Variants in TNFSF9 observed in about 807,000 individuals in gnomAD.
TNFSF9 encodes TNF superfamily member 9.
A neutral mutation model predicts 10.3 loss-of-function variants in TNFSF9; 10 were observed. The observed-to-expected ratio is 0.97, with a 90% confidence interval of 0.60 to 1.65. TNFSF9 has a LOEUF of 1.65. Among genes scored for constraint, TNFSF9 ranks in the 40% most tolerant of loss-of-function variants. The pLI is 0.00. For missense variants in TNFSF9, 361 were observed against 348.9 expected (o/e 1.03, Z -0.28); for synonymous variants, 195 against 176.1 (o/e 1.11, Z -0.85).
At chr19:6,533,707 TG>T (rs1285164576) in intron 2 of TNFSF9, among the ~76,000 whole-genome samples, 10 of 156 alleles carry the variant, frequency 0.064, no homozygotes, top group Non-Finnish European at 0.14. Flanking sequence ...CCCCCTTCCC[TG>T]CCCCCTCCAG....
Position 6,535,863 on chromosome 19 carries a change from C to T in TNFSF9, c.*797C>T, listed in dbSNP as rs1339561935. ...TAATTTTTTTGCGGAGACGGTATTG[C>T]TATGTTGCCAAGGTTGTTTACATGC... On this transcript the variant is annotated 3_prime_UTR_variant, in exon 3 of 3. Coordinates refer to ENST00000245817, the MANE Select transcript of TNFSF9 (RefSeq NM_003811.4). 6.6e-6 allele frequency: 1 copy of T among 152,128 alleles called. No homozygotes were observed. The highest frequency in any genetic ancestry group is 2.4e-5 in the African/African-American group (1 of 41,420). The allele number at this position is 152,128 out of a possible 1,614,324, so 9.4% of individuals were successfully genotyped here.
At chr19:6,532,634 T>C (rs1915174484) in intron 1 of TNFSF9, 152 bp from the exon 2 acceptor site, 9 of 938,008 alleles carry the variant, frequency 9.6e-6, no homozygotes, top group South Asian at 1.5e-5. Flanking sequence ...TGTGTGTGTG[T>C]GCGGTCTCTG....
At chr19:6,532,918 C>A in intron 2 of TNFSF9, 102 bp downstream of exon 2, 1 of 1,532,930 alleles carries the variant, frequency 6.5e-7, no homozygotes, top group Non-Finnish European at 9.0e-7. Flanking sequence ...CGCACACTGG[C>A]TTTGACCCTT....
At position 6,532,266 on chromosome 19, in the gene TNFSF9, C is replaced by CGTGTGTGTGT. The variant is rs3043218; in HGVS notation, c.268-497_268-488dup. ...TTGGGGCAGGTTGAGCCACCAGCTT[C>CGTGTGTGTGT]GTGTGTGTGTGTGTGTGTGTGTGTG... On this transcript the variant is annotated intron_variant, in intron 1 of 2. Transcript: ENST00000245817. 2.1e-3 allele frequency among the ~76,000 whole-genome samples: 295 copies of CGTGTGTGTGT among 139,900 alleles called. 3 individuals are homozygous for CGTGTGTGTGT. The highest frequency in any genetic ancestry group is 6.6e-3 in the African/African-American group (234 of 35,286). 91.8% of individuals were successfully genotyped at this position (139,900 alleles called of 152,430 possible). A position where few individuals can be genotyped will look rare whatever the true frequency, so the allele number is the denominator to read the frequency against.
Position 6,534,468 on chromosome 19 carries a change from C to T in TNFSF9, c.299-132C>T, listed in dbSNP as rs1182137653. The T allele has an allele frequency of 1.2e-5, 10 of 808,600 alleles. 1 individual carries two copies. The highest frequency in any genetic ancestry group is 1.7e-5 in the Non-Finnish European group (9 of 530,068). The allele number at this position is 808,600 out of a possible 1,614,324, so 50.1% of individuals were successfully genotyped here. ...TGCTCCCCTGTCCCGCTCCCTGCCC[C>T]GCCATTCCCCGCCCCCCGGCCCCTG... On this transcript the variant is annotated intron_variant, in intron 2 of 2. Coordinates refer to ENST00000245817, the MANE Select transcript of TNFSF9 (RefSeq NM_003811.4).
At chr19:6,534,124 C>G (rs1296868817) in intron 2 of TNFSF9, among the ~76,000 whole-genome samples, 2 of 143,290 alleles carry the variant, frequency 1.4e-5, no homozygotes, top group Non-Finnish European at 3.1e-5. Context: ...TCCCTCCAAC[C>G]CCCTCACCGC....
At chr19:6,532,670 C>A (rs957777258) in intron 1 of TNFSF9, 116 bp from the exon 2 acceptor site, 2 of 1,393,798 alleles carry the variant, frequency 1.4e-6, no homozygotes, top group Non-Finnish European at 2.0e-6. Context: ...GGAAGGGAAG[C>A]GTAGGCTTCA....
chr19:6,532,294 T>C (rs1915162393), intron 1 of TNFSF9, among the ~76,000 whole-genome samples: 2 of 143,024 alleles, frequency 1.4e-5, no homozygotes, highest in African/African-American at 5.7e-5. Context: ...TGTGTGTGTG[T>C]GTGTTCGTGT....
Position 6,534,621 on chromosome 19 carries a change from T to C in TNFSF9, c.320T>C (p.Leu107Pro). ...ACAGTTCTGCTGATCGATGGGCCCC[T>C]GAGCTGGTACAGTGACCCAGGCCTG... ...AQNVLLIDGPLSWYSDPGLAG... is the reference protein window; with the variant it reads ...AQNVLLIDGPPSWYSDPGLAG... The change falls in exon 3 of 3, where the codon CTG becomes CCG. Residue 107 changes from leucine (L) to proline (P), a missense_variant. Coordinates refer to ENST00000245817, the MANE Select transcript of TNFSF9 (RefSeq NM_003811.4). 6.3e-7 allele frequency: 1 copy of C among 1,577,856 alleles called. No individual in the cohort carries two copies. The highest frequency in any genetic ancestry group is 8.6e-7 in the Non-Finnish European group (1 of 1,162,328).
Position 6,535,131 on chromosome 19 carries a change from C to G in TNFSF9, c.*65C>G. Reference sequence around the variant, plus strand: ...TCCTACTCCATCCTTCATGGAGACCCCTGGTGCTGGGTCCCTGCTGCTTTC... The same window carrying G: ...TCCTACTCCATCCTTCATGGAGACCGCTGGTGCTGGGTCCCTGCTGCTTTC... On this transcript the variant is annotated 3_prime_UTR_variant, in exon 3 of 3. Transcript: ENST00000245817. 7.0e-7 allele frequency: 1 copy of G among 1,425,546 alleles called. No individual in the cohort carries two copies. The highest frequency in any genetic ancestry group is 1.5e-5 in the South Asian group (1 of 67,440). The allele number at this position is 1,425,546 out of a possible 1,614,324, so 88.3% of individuals were successfully genotyped here. A position where few individuals can be genotyped will look rare whatever the true frequency, so the allele number is the denominator to read the frequency against.
chr19:6,534,467 C>G lies in TNFSF9; in HGVS notation c.299-133C>G, dbSNP rs931958604. The stretch of plus-strand genomic sequence containing the variant: ...CTGCTCCCCTGTCCCGCTCCCTGCC[C>G]CGCCATTCCCCGCCCCCCGGCCCCT... On this transcript the variant is annotated intron_variant, in intron 2 of 2. Transcript: ENST00000245817. 33 of 794,242 alleles carry G rather than the reference C, an allele frequency of 4.2e-5. 1 individual carries two copies. The highest frequency in any genetic ancestry group is 7.5e-4 in the Middle Eastern group (2 of 2,654). The allele number at this position is 794,242 out of a possible 1,614,324, so 49.2% of individuals were successfully genotyped here.
chr19:6,531,678 C>T (rs1915149852), intron 1 of TNFSF9, among the ~76,000 whole-genome samples: 1 of 151,846 alleles, frequency 6.6e-6, no homozygotes, highest in Non-Finnish European at 1.5e-5. Flanking sequence ...TCTTTTTGGA[C>T]CTCCAAGGGC....
intron 1 of TNFSF9, among the ~76,000 whole-genome samples, chr19:6,532,418 TGTTC>T (rs977290934): frequency 8.1e-5 from 4 of 49,430 alleles, no homozygotes; most frequent in African/African-American, 2.2e-4. Context: ...TGTTTGTGTT[TGTTC>T]GTTCGTGTGG....
rs566190041 is a variant in TNFSF9 at position 6,535,141 on chromosome 19, G to C, written c.*75G>C. 108 of 1,407,454 alleles carry C rather than the reference G, an allele frequency of 7.7e-5. No individual in the cohort carries two copies. Among genetic ancestry groups the C allele is most frequent in the Non-Finnish European group, 1.0e-4 (108 of 1,071,976 alleles). 87.2% of individuals were successfully genotyped at this position (1,407,454 alleles called of 1,614,324 possible). ...TCCTTCATGGAGACCCCTGGTGCTGGGTCCCTGCTGCTTTCTCTACCTCAA... is the reference window on the plus strand; with the variant it reads ...TCCTTCATGGAGACCCCTGGTGCTGCGTCCCTGCTGCTTTCTCTACCTCAA... On this transcript the variant is annotated 3_prime_UTR_variant, in exon 3 of 3. Transcript: ENST00000245817.
At position 6,534,879 on chromosome 19, in the gene TNFSF9, G is replaced by C; in HGVS notation, c.578G>C (p.Arg193Pro). 6.2e-7 allele frequency: 1 copy of C among 1,607,486 alleles called. No individual in the cohort carries two copies. The highest frequency in any genetic ancestry group is 8.5e-7 in the Non-Finnish European group (1 of 1,179,028). Residue 193 changes from arginine to proline, a missense_variant, in exon 3 of 3, where the codon CGG becomes CCG. By Grantham distance (103) the Arg-to-Pro change is moderately radical. Transcript: ENST00000245817. ...VDLPPASSEA[R>P]NSAFGFQGRL... ...CTGCCACCCGCCTCCTCCGAGGCTCGGAACTCGGCCTTCGGTTTCCAGGGC... is the reference window on the plus strand; with the variant it reads ...CTGCCACCCGCCTCCTCCGAGGCTCCGAACTCGGCCTTCGGTTTCCAGGGC...
In TNFSF9 at chr19:6,534,950, C is replaced by T. The variant is rs758769694; in HGVS notation, c.649C>T (p.His217Tyr). Residue 217 changes from histidine to tyrosine, a missense_variant, in exon 3 of 3, where the codon CAC becomes TAC. By Grantham distance (83) the His-to-Tyr change is moderately conservative. Coordinates refer to ENST00000245817, the MANE Select transcript of TNFSF9 (RefSeq NM_003811.4). ...SAGQRLGVHL[H>Y]TEARARHAWQ... is the part of the protein sequence containing the mutation. ...CGGCCAGCGCCTGGGCGTCCATCTTCACACTGAGGCCAGGGCACGCCATGC... is the reference window on the plus strand; with the variant it reads ...CGGCCAGCGCCTGGGCGTCCATCTTTACACTGAGGCCAGGGCACGCCATGC... 9.9e-6 allele frequency: 16 copies of T among 1,611,540 alleles called. No individual in the cohort carries two copies. The East Asian group carries it at 3.1e-4, about 31-fold the overall frequency.
rs1915141960 is a variant in TNFSF9, at chr19:6,531,315, C to CCCG, written c.267+13_267+15dup. ...TGGACCTGCGGCAGGTGAGACGTGC[C>CCCG]CCGACCCTCGGTAGCTGGTCTCGCG... On this transcript the variant is annotated intron_variant, in intron 1 of 2. Transcript: ENST00000245817. The CCCG allele has an allele frequency of 2.0e-6, 3 of 1,470,896 alleles. No homozygotes were observed. In the East Asian group the frequency reaches 8.1e-5, roughly 40 times the overall value. The allele number at this position is 1,470,896 out of a possible 1,614,324, so 91.1% of individuals were successfully genotyped here.
At position 6,531,111 on chromosome 19, in the gene TNFSF9, C is replaced by CGTACTGCCTTGG. The variant is rs1915135187; in HGVS notation, c.77_88dup (p.Val26_Trp29dup). On this transcript the variant is annotated inframe_insertion, in exon 1 of 3. Coordinates refer to ENST00000245817, the MANE Select transcript of TNFSF9 (RefSeq NM_003811.4). ...CCGCGCCCCGCGCTCGCGCCTGCCG[C>CGTACTGCCTTGG]GTACTGCCTTGGGCCCTGGTCGCGG... 1.9e-6 allele frequency: 3 copies of CGTACTGCCTTGG among 1,610,640 alleles called. No individual in the cohort carries two copies. In the East Asian group the frequency reaches 6.7e-5, roughly 36 times the overall value.
chr19:6,531,454 T>G, intron 1 of TNFSF9, 151 bp downstream of exon 1: 4 of 1,134,514 alleles, frequency 3.5e-6, no homozygotes, highest in Non-Finnish European at 3.5e-6. Flanking sequence ...ATTCTCCATC[T>G]AGCACCGAGG....
Sources: allele counts gnomAD v4.1 joint callset (sites outside exome capture counted in the v4.1 genomes callset), GRCh38; gene constraint gnomAD v4.1.1; transcripts MANE v1.5; gene names NCBI Gene and HGNC (gene_info 2026-07-23, HGNC 2026-07-21).